Variants in WDR41 observed in about 807,000 individuals in gnomAD.
WDR41 encodes WD repeat-containing protein 41.
WDR41 carries 63 observed loss-of-function variants against 69.3 expected under a neutral mutation model. That is an observed-to-expected ratio of 0.91 (90% CI 0.74 to 1.12). WDR41 has a LOEUF of 1.12. Ranked by LOEUF, WDR41 falls within the 50% of genes most tolerant of loss-of-function variation. The pLI is 0.00. For synonymous variants in WDR41, 185 were observed against 192.1 expected (o/e 0.96, Z 0.31); for missense variants, 543 against 534.5 (o/e 1.02, Z -0.16).
chr5:77,614,318 A>G (rs1235352317), intron 1 of WDR41, among the ~76,000 whole-genome samples: 4 of 151,850 alleles, frequency 2.6e-5, no homozygotes, highest in Middle Eastern at 3.2e-3. Flanking sequence ...AGGACTATAA[A>G]TCATGCCGCT....
At chr5:77,516,150 T>C (rs1802288778) in intron 1 of WDR41, among the ~76,000 whole-genome samples, 1 of 152,216 alleles carries the variant, frequency 6.6e-6, no homozygotes, top group Admixed American at 6.5e-5. Context: ...TTTCTCTATC[T>C]GTTTTGGGTA....
At chr5:77,613,643 T>C (rs1429067630) in intron 1 of WDR41, among the ~76,000 whole-genome samples, 2 of 152,166 alleles carry the variant, frequency 1.3e-5, no homozygotes, top group Non-Finnish European at 2.9e-5. Context: ...CAAAAATTAA[T>C]TCAAGATGGA....
At chr5:77,518,875 A>C (rs1802331552) in intron 1 of WDR41, among the ~76,000 whole-genome samples, 1 of 152,056 alleles carries the variant, frequency 6.6e-6, no homozygotes, top group Non-Finnish European at 1.5e-5. Flanking sequence ...AATCTCAGTG[A>C]GAAGTAGTTT....
At chr5:77,493,706 T>C (rs73141052), upstream of WDR41, among the ~76,000 whole-genome samples, 9,519 of 152,202 alleles carry the variant, frequency 0.063, 521 homozygotes, top group African/African-American at 0.15. Context: ...GACTTATCTT[T>C]AAGTAAAACA....
chr5:77,459,151 T>G (rs1405099212), intron 4 of WDR41, 27 bp from the exon 5 acceptor site: 2 of 1,498,894 alleles, frequency 1.3e-6, no homozygotes, highest in South Asian at 1.2e-5. Flanking sequence ...AAATAATTTC[T>G]AAACAGAATT....
At chr5:77,537,899 C>G (rs7715454) in intron 1 of WDR41, among the ~76,000 whole-genome samples, 1 of 151,948 alleles carries the variant, frequency 6.6e-6, no homozygotes, top group Non-Finnish European at 1.5e-5. Flanking sequence ...ATAGAATAGA[C>G]GAAAATATAT....
intron 1 of WDR41, among the ~76,000 whole-genome samples, chr5:77,597,223 T>A (rs573425757): frequency 1.3e-5 from 2 of 152,138 alleles, no homozygotes; most frequent in South Asian, 4.1e-4. Flanking sequence ...GACCACTCTT[T>A]GAGAACCACT....
intron 1 of WDR41, among the ~76,000 whole-genome samples, chr5:77,500,876 C>T (rs1247272152): frequency 6.6e-6 from 1 of 152,178 alleles, no homozygotes; most frequent in Admixed American, 6.6e-5. Context: ...ATCTTGTAGT[C>T]CCTGCTCTCA....
chr5:77,610,969 A>T (rs1744536602), intron 1 of WDR41, among the ~76,000 whole-genome samples: 1 of 152,204 alleles, frequency 6.6e-6, no homozygotes. Flanking sequence ...AGATCTACCA[A>T]GCAACTGGAA....
At chr5:77,576,302 C>A (rs141332177) in intron 1 of WDR41, among the ~76,000 whole-genome samples, 2 of 152,146 alleles carry the variant, frequency 1.3e-5, no homozygotes, top group African/African-American at 4.8e-5. Flanking sequence ...ACCTTCACTA[C>A]CCCCCTCAAC....
chr5:77,558,094 T>TTTAAAA (rs1554036365), intron 1 of WDR41, among the ~76,000 whole-genome samples: 5 of 104,306 alleles, frequency 4.8e-5, no homozygotes, highest in Non-Finnish European at 7.9e-5. Flanking sequence ...ATGTTCTTTT[T>TTTAAAA]AAAAAAAAAA....
At chr5:77,601,733 C>A (rs1744327007) in intron 1 of WDR41, among the ~76,000 whole-genome samples, 1 of 152,194 alleles carries the variant, frequency 6.6e-6, no homozygotes, top group Non-Finnish European at 1.5e-5. Flanking sequence ...CTCAGAGACA[C>A]AGAATGGAAA....
chr5:77,450,286 T>G (rs1227600275), intron 7 of WDR41, among the ~76,000 whole-genome samples: 1 of 152,222 alleles, frequency 6.6e-6, no homozygotes, highest in Admixed American at 6.5e-5. Context: ...AAGCTGCAAA[T>G]CCAAGTTTAA....
Position 77,453,883 on chromosome 5 carries a change from T to A in WDR41, c.457A>T (p.Asn153Tyr). 1 of 1,614,070 alleles carries A rather than the reference T, an allele frequency of 6.2e-7. No homozygotes were observed. Among genetic ancestry groups the A allele is most frequent in the South Asian group, 1.1e-5 (1 of 91,076 alleles). ...QRLDVWLSGG[N>Y]DLCVWNRKLD... ...TTTCGGTTCCACACACACAGGTCAT[T>A]CCCACCAGAAAGCCAAACATCTAGT... Residue 153 changes from asparagine to tyrosine, a missense_variant, in exon 6 of 13, where the codon AAT (asparagine) becomes TAT (tyrosine). Coordinates refer to ENST00000296679, the MANE Select transcript of WDR41 (RefSeq NM_018268.4).
chr5:77,605,691 G>A (rs1744402785), intron 1 of WDR41, among the ~76,000 whole-genome samples: 1 of 152,214 alleles, frequency 6.6e-6, no homozygotes, highest in Non-Finnish European at 1.5e-5. Flanking sequence ...TGGCTGGCCA[G>A]ATTGTTAAGG....
chr5:77,492,089 G>A, intron 1 of WDR41, 81 bp downstream of exon 1: 1 of 1,547,896 alleles, frequency 6.5e-7, no homozygotes, highest in Non-Finnish European at 8.8e-7. Flanking sequence ...CCCGCGGTCG[G>A]AACCCAGGAA....
At chr5:77,453,991 T>A in intron 5 of WDR41, 63 bp from the exon 6 acceptor site, 1 of 1,275,924 alleles carries the variant, frequency 7.8e-7, no homozygotes, top group Non-Finnish European at 1.1e-6. Context: ...TTCAGTGGTT[T>A]AAAAATATAT....
chr5:77,515,062 A>AT (rs987156496), intron 1 of WDR41, among the ~76,000 whole-genome samples: 5 of 152,052 alleles, frequency 3.3e-5, no homozygotes, highest in African/African-American at 4.8e-5. Context: ...TTATTTTAAA[A>AT]TTTTTTCTTT....
At chr5:77,480,303 AC>A (rs1358060417) in intron 2 of WDR41, 4 of 108,186 alleles carry the variant, frequency 3.7e-5, no homozygotes, top group African/African-American at 1.3e-4. Context: ...ATACCATTTG[AC>A]CCAGCCATCC....
Sources: gnomAD v4.1 joint callset for allele counts (sites outside exome capture counted in the v4.1 genomes callset) on GRCh38, gnomAD v4.1.1 for gene constraint, MANE v1.5 for transcripts, NCBI Gene and HGNC (gene_info 2026-07-23, HGNC 2026-07-21) for gene names.